TENM2: variants seen among roughly 807,000 people sequenced by gnomAD.
The protein encoded by TENM2 is teneurin transmembrane protein 2, also known as teneurin-2.
Under a neutral mutation model 245.2 loss-of-function variants are expected in TENM2, and 52 were observed. The observed-to-expected ratio is 0.21, with a 90% confidence interval of 0.17 to 0.27. The LOEUF (loss-of-function observed/expected upper bound fraction) is 0.27. TENM2 is among the 10% of genes least tolerant of loss of function. The pLI is 1.00. For missense variants in TENM2, 3,046 were observed against 3,666.8 expected (o/e 0.83, Z 4.37); for synonymous variants, 1,363 against 1,438.9 (o/e 0.95, Z 1.19).
At chr5:167,173,364 C>A in the TENM2 span, among the ~76,000 whole-genome samples, 2 of 152,346 alleles carry the variant, frequency 1.3e-5, no homozygotes, top group East Asian at 3.9e-4. Context: ...CATTCAAGCT[C>A]TTCCTTTGCA....
At chr5:167,065,539 T>A in the TENM2 span, among the ~76,000 whole-genome samples, 1 of 152,100 alleles carries the variant, frequency 6.6e-6, no homozygotes, top group East Asian at 1.9e-4. Context: ...GTATGAGTAG[T>A]GTGAGTGAGG....
At chr5:167,453,812 G>T (rs1765748819) in intron 2 of TENM2, among the ~76,000 whole-genome samples, 1 of 152,164 alleles carries the variant, frequency 6.6e-6, no homozygotes, top group Non-Finnish European at 1.5e-5. Context: ...TTCTTCTGTG[G>T]TTATTTTGGC....
chr5:168,242,440 A>C (rs1172488854), intron 25 of TENM2, among the ~76,000 whole-genome samples: 1 of 152,332 alleles, frequency 6.6e-6, no homozygotes, highest in Non-Finnish European at 1.5e-5. Flanking sequence ...AAGCTGGTGA[A>C]GTGTATAAGA....
intron 3 of TENM2, among the ~76,000 whole-genome samples, chr5:167,885,718 C>T (rs945203440): frequency 1.3e-5 from 2 of 152,196 alleles, no homozygotes; most frequent in Non-Finnish European, 2.9e-5. Context: ...GAGTCTCGCT[C>T]TGTTGGCCAG....
At chr5:167,768,384 A>G (rs1435559115) in intron 2 of TENM2, among the ~76,000 whole-genome samples, 1 of 152,290 alleles carries the variant, frequency 6.6e-6, no homozygotes, top group Non-Finnish European at 1.5e-5. Flanking sequence ...ATCCCCCATT[A>G]GTGCCTTGGA....
At chr5:167,412,524 G>A (rs1762960988) in intron 2 of TENM2, among the ~76,000 whole-genome samples, 1 of 152,088 alleles carries the variant, frequency 6.6e-6, no homozygotes, top group East Asian at 1.9e-4. Context: ...CTAGGTTTGT[G>A]TGCAACTTTT....
chr5:167,110,717 T>A, the TENM2 span, among the ~76,000 whole-genome samples: 1 of 152,192 alleles, frequency 6.6e-6, no homozygotes, highest in Non-Finnish European at 1.5e-5. Flanking sequence ...TTATGTGGGA[T>A]CTTCAGTGTT....
At chr5:167,170,191 G>A in the TENM2 span, among the ~76,000 whole-genome samples, 2 of 152,242 alleles carry the variant, frequency 1.3e-5, no homozygotes, top group Non-Finnish European at 2.9e-5. Context: ...ATTCCTTGTA[G>A]GAGGATTAAC....
intron 2 of TENM2, among the ~76,000 whole-genome samples, chr5:167,503,439 G>T (rs1769341330): frequency 6.6e-6 from 1 of 151,842 alleles, no homozygotes; most frequent in African/African-American, 2.4e-5. Flanking sequence ...GGAAGAAAAG[G>T]AAGGAAGAGA....
chr5:168,203,275 A>T (rs1762078690), intron 17 of TENM2, among the ~76,000 whole-genome samples: 1 of 152,242 alleles, frequency 6.6e-6, no homozygotes, highest in Non-Finnish European at 1.5e-5. Flanking sequence ...TTCTCCTAGT[A>T]AGTGGAAATA....
chr5:167,855,217 C>A (rs1770955065), intron 2 of TENM2, among the ~76,000 whole-genome samples: 1 of 152,060 alleles, frequency 6.6e-6, no homozygotes, highest in African/African-American at 2.4e-5. Context: ...TCTTGTGCTT[C>A]CCCTAGACAT....
At chr5:167,247,790 A>G in the TENM2 span, among the ~76,000 whole-genome samples, 2 of 152,140 alleles carry the variant, frequency 1.3e-5, no homozygotes, top group Non-Finnish European at 1.5e-5. Context: ...AATTTAGGGG[A>G]TGGCATGGAA....
the TENM2 span, among the ~76,000 whole-genome samples, chr5:167,212,966 A>G: frequency 6.6e-6 from 1 of 152,220 alleles, no homozygotes; most frequent in Non-Finnish European, 1.5e-5. Flanking sequence ...TAGATATACC[A>G]AGACAAAGTG....
At chr5:168,180,082 A>G (rs1451674282) in intron 13 of TENM2, among the ~76,000 whole-genome samples, 1 of 152,178 alleles carries the variant, frequency 6.6e-6, no homozygotes, top group Non-Finnish European at 1.5e-5. Context: ...GATCACCAAA[A>G]GCCCTGCACT....
chr5:167,486,331 T>C (rs1017419667), intron 2 of TENM2, among the ~76,000 whole-genome samples: 15 of 151,178 alleles, frequency 9.9e-5, no homozygotes, highest in Non-Finnish European at 2.1e-4. Flanking sequence ...CTTTTCTTTT[T>C]TTTTTTTTTT....
At chr5:167,395,328 T>A (rs1761992395) in intron 2 of TENM2, among the ~76,000 whole-genome samples, 1 of 152,172 alleles carries the variant, frequency 6.6e-6, no homozygotes, top group African/African-American at 2.4e-5. Context: ...TTTTTGTATG[T>A]TGATTTTGTA....
At chr5:167,673,238 C>A (rs543682465) in intron 2 of TENM2, among the ~76,000 whole-genome samples, 1 of 152,000 alleles carries the variant, frequency 6.6e-6, no homozygotes, top group Non-Finnish European at 1.5e-5. Flanking sequence ...TGGAAAATGT[C>A]TGCTGTGTAT....
At chr5:168,000,224 G>T (rs960717161) in intron 5 of TENM2, among the ~76,000 whole-genome samples, 3 of 152,138 alleles carry the variant, frequency 2.0e-5, no homozygotes, top group Non-Finnish European at 4.4e-5. Flanking sequence ...GACATCTTTC[G>T]TTGGTTCATT....
At chr5:167,094,066 A>G in the TENM2 span, among the ~76,000 whole-genome samples, 1 of 152,362 alleles carries the variant, frequency 6.6e-6, no homozygotes, top group East Asian at 1.9e-4. Context: ...TCAATTAGCC[A>G]TGGGCACATG....
Sources: allele counts gnomAD v4.1 joint callset (sites outside exome capture counted in the v4.1 genomes callset), GRCh38; gene constraint gnomAD v4.1.1; transcripts MANE v1.5; gene names NCBI Gene and HGNC (gene_info 2026-07-23, HGNC 2026-07-21).